The following FUT8 variants were observed in gnomAD, a reference collection of about 807,000 sequenced individuals.
FUT8 encodes fucosyltransferase 8.
Under a neutral mutation model 71.3 loss-of-function variants are expected in FUT8, and 29 were observed. The ratio of observed to expected loss-of-function variants is 0.41; its 90% CI spans 0.30 to 0.55. The LOEUF (loss-of-function observed/expected upper bound fraction) is 0.55. FUT8 is among the 20% of genes least tolerant of loss of function. FUT8 has a pLI of 0.34. For synonymous variants in FUT8, 254 were observed against 239.3 expected (o/e 1.06, Z -0.57); for missense variants, 544 against 702.1 (o/e 0.77, Z 2.55).
intron 6 of FUT8, among the ~76,000 whole-genome samples, chr14:65,631,142 A>T (rs1004189396): frequency 2.0e-5 from 3 of 152,212 alleles, no homozygotes; most frequent in African/African-American, 7.2e-5. Flanking sequence ...TGTAGGGAAG[A>T]GGTAATTATC....
chr14:65,597,698 G>A (rs1237013939), intron 3 of FUT8, among the ~76,000 whole-genome samples: 2 of 143,194 alleles, frequency 1.4e-5, no homozygotes, highest in African/African-American at 4.9e-5. Context: ...TAAAGTCCAT[G>A]ATAGTGTAAC....
intron 3 of FUT8, among the ~76,000 whole-genome samples, chr14:65,566,039 C>T (rs1301843749): frequency 1.3e-5 from 2 of 151,834 alleles, no homozygotes; most frequent in Admixed American, 6.6e-5. Context: ...TTAACTTCAG[C>T]TAGGCTTTTT....
the FUT8 span, among the ~76,000 whole-genome samples, chr14:65,398,147 A>G: frequency 1.3e-5 from 2 of 152,174 alleles, no homozygotes; most frequent in South Asian, 4.2e-4. Flanking sequence ...ATACAGAAGG[A>G]CCTCCAGACA....
the FUT8 span, among the ~76,000 whole-genome samples, chr14:65,368,342 CTTTTT>C: frequency 1.1e-5 from 1 of 89,790 alleles, no homozygotes; most frequent in Admixed American, 1.2e-4. Context: ...CGTGAGCCAC[CTTTTT>C]TTTTTTTTTT....
chr14:65,424,406 A>G (rs1467428637), intron 1 of FUT8, among the ~76,000 whole-genome samples: 4 of 152,134 alleles, frequency 2.6e-5, no homozygotes, highest in Non-Finnish European at 4.4e-5. Flanking sequence ...GTGTGGTATA[A>G]GTTGTGACAA....
At chr14:65,649,743 T>C (rs1005798286) in intron 6 of FUT8, among the ~76,000 whole-genome samples, 8 of 152,222 alleles carry the variant, frequency 5.3e-5, no homozygotes, top group Admixed American at 1.3e-4. Flanking sequence ...TAAAAAGATA[T>C]AATGATATTG....
chr14:65,445,496 G>A (rs1357353879), intron 1 of FUT8, among the ~76,000 whole-genome samples: 1 of 152,192 alleles, frequency 6.6e-6, no homozygotes, highest in East Asian at 1.9e-4. Flanking sequence ...GACAGCATGA[G>A]GGAGTTTTTG....
intron 1 of FUT8, among the ~76,000 whole-genome samples, chr14:65,425,072 G>A (rs2139403269): frequency 6.6e-6 from 1 of 152,200 alleles, no homozygotes; most frequent in East Asian, 1.9e-4. Flanking sequence ...TAGCATATGA[G>A]TGGACCCTCA....
chr14:65,655,085 TC>T (rs1891604946), intron 6 of FUT8, among the ~76,000 whole-genome samples: 1 of 151,408 alleles, frequency 6.6e-6, no homozygotes, highest in Admixed American at 6.6e-5. Context: ...CTATATGCTG[TC>T]CCCCCAAGAA....
At position 65,643,654 on chromosome 14, in the gene FUT8, TA is replaced by T. The variant is rs141578703; in HGVS notation, c.597+14058del. On this transcript the variant is annotated intron_variant, in intron 6 of 10. Coordinates refer to ENST00000673929, the MANE Select transcript of FUT8 (RefSeq NM_001371533.1). This position sits in a 1 kb window ranked among gnomAD's most constrained non-coding sequence, Gnocchi z 4.5. ...GGGCGACAGAGCGAGACTCCGTCTTTAAAAAAAAAATACACACACACACACA... is the reference window on the plus strand; with the variant it reads ...GGGCGACAGAGCGAGACTCCGTCTTTAAAAAAAAATACACACACACACACA... Among the ~76,000 whole-genome samples, 17 of 118,308 alleles carry T rather than the reference TA, an allele frequency of 1.4e-4. No individual in the cohort carries two copies. Among genetic ancestry groups the T allele is most frequent in the Admixed American group, 3.6e-4 (4 of 11,054 alleles). The allele number at this position is 118,308 out of a possible 152,430, so 77.6% of individuals were successfully genotyped here.
chr14:65,387,893 C>G, the FUT8 span, among the ~76,000 whole-genome samples: 20,446 of 152,146 alleles, frequency 0.13, 2,040 homozygotes, highest in East Asian at 0.54. Flanking sequence ...AGAAGTCGCA[C>G]TTTTGGTTTT....
intron 7 of FUT8, among the ~76,000 whole-genome samples, chr14:65,718,273 A>G (rs1483623194): frequency 6.6e-6 from 1 of 152,140 alleles, no homozygotes; most frequent in Non-Finnish European, 1.5e-5. Context: ...AGGCTTGCAA[A>G]TAACTTATAG....
intron 2 of FUT8, among the ~76,000 whole-genome samples, chr14:65,463,740 T>C (rs1351622578): frequency 6.6e-6 from 1 of 152,204 alleles, no homozygotes; most frequent in South Asian, 2.1e-4. Context: ...TCCTTGTACT[T>C]TTCCTTCTCA....
intron 2 of FUT8, among the ~76,000 whole-genome samples, chr14:65,477,042 G>A (rs1257490138): frequency 6.6e-6 from 1 of 152,060 alleles, no homozygotes; most frequent in Non-Finnish European, 1.5e-5. Flanking sequence ...TTAAATATAA[G>A]CTTTTTTGGC....
intron 3 of FUT8, among the ~76,000 whole-genome samples, chr14:65,604,646 G>T (rs1888475724): frequency 6.6e-6 from 1 of 151,844 alleles, no homozygotes; most frequent in Non-Finnish European, 1.5e-5. Context: ...ACATCAAAAA[G>T]TCTGAAAGAG....
chr14:65,462,761 C>T (rs2065985948), intron 2 of FUT8, among the ~76,000 whole-genome samples: 1 of 152,218 alleles, frequency 6.6e-6, no homozygotes, highest in South Asian at 2.1e-4. Flanking sequence ...CATGTATGTG[C>T]TTGTTCTTTG....
In FUT8 at chr14:65,467,685, A is replaced by G. The variant is rs2066065941; in HGVS notation, c.-228+11967A>G. On this transcript the variant is annotated intron_variant, in intron 2 of 10. Transcript: ENST00000673929. This position sits in a 1 kb window ranked among gnomAD's most constrained non-coding sequence, Gnocchi z 4.1. ...TAGAGAGGGTTTCACTATGTTGGCC[A>G]GGCTGGTCTCGAACTCCTGACCTCA... 2.8e-6 allele frequency: 1 copy of G among 351,194 alleles called. No individual in the cohort carries two copies. Among genetic ancestry groups the G allele is most frequent in the Non-Finnish European group, 5.4e-6 (1 of 185,846 alleles). The allele number at this position is 351,194 out of a possible 1,614,324, so 21.8% of individuals were successfully genotyped here.
chr14:65,589,679 C>G (rs1017082648), intron 3 of FUT8, among the ~76,000 whole-genome samples: 11 of 151,946 alleles, frequency 7.2e-5, no homozygotes, highest in African/African-American at 2.7e-4. Flanking sequence ...CTCCTGACCT[C>G]GTGATCTGCC....
chr14:65,664,638 C>G (rs1317637400), intron 6 of FUT8, among the ~76,000 whole-genome samples: 1 of 152,070 alleles, frequency 6.6e-6, no homozygotes, highest in East Asian at 1.9e-4. Flanking sequence ...TGTAGTTTCC[C>G]TTCTCAGTCT....
Sources: allele counts gnomAD v4.1 joint callset (sites outside exome capture counted in the v4.1 genomes callset), GRCh38; gene constraint gnomAD v4.1.1; non-coding constraint Gnocchi (gnomAD v3.1); transcripts MANE v1.5; gene names NCBI Gene and HGNC (gene_info 2026-07-23, HGNC 2026-07-21).